The following BAZ1A variants were observed in gnomAD, a reference collection of about 807,000 sequenced individuals.
BAZ1A encodes the protein bromodomain adjacent to zinc finger domain protein 1A.
Under a neutral mutation model 185.2 loss-of-function variants are expected in BAZ1A, and 50 were observed. The ratio of observed to expected loss-of-function variants is 0.27; its 90% CI spans 0.22 to 0.34. The LOEUF is 0.34. Among genes scored for constraint, BAZ1A ranks in the 10% least tolerant of loss-of-function variants. The pLI is 1.00. For synonymous variants in BAZ1A, 571 were observed against 615.6 expected (o/e 0.93, Z 1.07); for missense variants, 1,356 against 1,839.9 (o/e 0.74, Z 4.81).
chr14:34,822,104 G>C (rs780629330), intron 4 of BAZ1A, among the ~76,000 whole-genome samples: 9 of 152,088 alleles, frequency 5.9e-5, no homozygotes, highest in Non-Finnish European at 4.4e-5. Flanking sequence ...AGACCAGCCT[G>C]TCCAACATGG....
intron 3 of BAZ1A, among the ~76,000 whole-genome samples, chr14:34,855,134 C>A (rs1433803895): frequency 6.6e-6 from 1 of 152,102 alleles, no homozygotes; most frequent in Non-Finnish European, 1.5e-5. Flanking sequence ...CCTAATGCTG[C>A]TTCCTTATAT....
intron 3 of BAZ1A, among the ~76,000 whole-genome samples, chr14:34,850,618 TAG>T (rs2042582066): frequency 1.3e-5 from 2 of 152,330 alleles, no homozygotes; most frequent in African/African-American, 4.8e-5. Context: ...AACTATTAAG[TAG>T]TCTGTACGCT....
chr14:34,803,377 C>CA (rs1881676524), intron 6 of BAZ1A, among the ~76,000 whole-genome samples: 1 of 71,294 alleles, frequency 1.4e-5, no homozygotes, highest in Non-Finnish European at 2.8e-5. Context: ...GACTCCATCT[C>CA]AGGAAAAAAA....
chr14:34,864,965 A>G (rs1286542892), intron 2 of BAZ1A, among the ~76,000 whole-genome samples: 1 of 150,148 alleles, frequency 6.7e-6, no homozygotes, highest in Non-Finnish European at 1.5e-5. Context: ...TTCAGTAGAG[A>G]TGGGGTTTCA....
chr14:34,778,203 C>T (rs1879784868), intron 17 of BAZ1A, among the ~76,000 whole-genome samples: 1 of 152,212 alleles, frequency 6.6e-6, no homozygotes, highest in African/African-American at 2.4e-5. Flanking sequence ...ACCCTCTGGA[C>T]TGTGCTTCCC....
At chr14:34,814,024 C>G (rs2041969394) in intron 4 of BAZ1A, among the ~76,000 whole-genome samples, 1 of 136,514 alleles carries the variant, frequency 7.3e-6, no homozygotes, top group Non-Finnish European at 1.6e-5. Flanking sequence ...GCCTGGGCAA[C>G]AGAGCAAGAG....
chr14:34,774,613 A>AAATG lies in BAZ1A; in HGVS notation c.2834-127_2834-124dup, dbSNP rs906237966. 1.2e-4 allele frequency: 93 copies of AAATG among 751,724 alleles called. 1 individual carries two copies. Among genetic ancestry groups the AAATG allele is most frequent in the South Asian group, 6.5e-4 (30 of 46,400 alleles). 46.6% of individuals were successfully genotyped at this position (751,724 alleles called of 1,614,324 possible). A position where few individuals can be genotyped will look rare whatever the true frequency, so the allele number is the denominator to read the frequency against. ...TGCTTTGTAAATCCTCAAGTGCCAC[A>AAATG]AATGAATGAATGAATGAATGAATAT... is the stretch of plus-strand genomic sequence containing the variant. On this transcript the variant is annotated intron_variant, in intron 18 of 26. Transcript: ENST00000360310.
At position 34,771,531 on chromosome 14, in the gene BAZ1A, C is replaced by T. The variant is rs1392599912; in HGVS notation, c.3281G>A (p.Arg1094His). The change falls in exon 21 of 27, where the codon CGT becomes CAT. Residue 1094 changes from arginine (R) to histidine (H), a missense_variant. Arg to His is a conservative substitution (Grantham distance 29). Around this residue, in one of 7 missense-constraint regions of BAZ1A, gnomAD observed 434 missense variants for 561.7 expected, o/e 0.77. Transcript: ENST00000360310. ...LFQIEQGIER[R>H]FLKAPLDASD... ...CTTACCAAGTGGAGCTTTCAGAAAA[C>T]GCCGCTCAATGCCCTGCTCTATTTG... 6.2e-6 allele frequency: 10 copies of T among 1,608,620 alleles called. No individual in the cohort carries two copies. The highest frequency in any genetic ancestry group is 7.6e-6 in the Non-Finnish European group (9 of 1,178,406).
At chr14:34,835,959 T>A (rs1183989713) in intron 3 of BAZ1A, among the ~76,000 whole-genome samples, 1 of 151,756 alleles carries the variant, frequency 6.6e-6, no homozygotes, top group Admixed American at 6.6e-5. Context: ...CGTGAGCCAC[T>A]GCGCCCAGCT....
chr14:34,807,545 G>A lies in BAZ1A; in HGVS notation c.639-7C>T, dbSNP rs1256439609. 7 of 1,608,212 alleles carry A rather than the reference G, an allele frequency of 4.4e-6. No homozygotes were observed. Among genetic ancestry groups the A allele is most frequent in the Admixed American group, 1.7e-5 (1 of 59,636 alleles). On this transcript the variant is annotated splice_polypyrimidine_tract_variant and splice_region_variant and intron_variant, in intron 5 of 26. Transcript: ENST00000360310. ...AAATAGGTGTTTTCTCCGGCTACAG[G>A]AGGCAAGGAAGTCAAAGAGGGGTAG...
At chr14:34,803,363 G>GT (rs1018700078) in intron 6 of BAZ1A, among the ~76,000 whole-genome samples, 2 of 130,820 alleles carry the variant, frequency 1.5e-5, no homozygotes, top group Non-Finnish European at 3.1e-5. Context: ...TGGTGACAGA[G>GT]TAAGACTCCA....
chr14:34,864,132 T>G (rs1037587313), intron 2 of BAZ1A, among the ~76,000 whole-genome samples: 1 of 151,926 alleles, frequency 6.6e-6, no homozygotes, highest in African/African-American at 2.4e-5. Context: ...CTGTTTGAAT[T>G]TTTATTTTTT....
At chr14:34,788,043 G>T (rs1475543109) in intron 12 of BAZ1A, among the ~76,000 whole-genome samples, 5 of 151,558 alleles carry the variant, frequency 3.3e-5, no homozygotes, top group African/African-American at 1.2e-4. Flanking sequence ...TTTGAAGATG[G>T]AGTCTCACTC....
intron 14 of BAZ1A, 120 bp from the exon 15 acceptor site, chr14:34,784,047 AAACATGTCAAT>A (rs1159541096): frequency 2.3e-6 from 2 of 886,086 alleles, no homozygotes; most frequent in African/African-American, 3.5e-5. Context: ...GTAGTCTCTC[AAACATGTCAAT>A]GACATGTCTT....
intron 9 of BAZ1A, among the ~76,000 whole-genome samples, chr14:34,797,833 C>T (rs114029660): frequency 0.012 from 1,812 of 152,136 alleles, 40 homozygotes; most frequent in African/African-American, 0.04. Context: ...CGAAGCAGGG[C>T]GAGCCAAAGC....
intron 4 of BAZ1A, among the ~76,000 whole-genome samples, chr14:34,818,502 C>T (rs2042038292): frequency 1.3e-5 from 2 of 152,122 alleles, no homozygotes; most frequent in Non-Finnish European, 2.9e-5. Context: ...TTTATTGACA[C>T]ATAACTATCA....
At chr14:34,872,373 G>C (rs2042961999) in intron 2 of BAZ1A, among the ~76,000 whole-genome samples, 1 of 152,192 alleles carries the variant, frequency 6.6e-6, no homozygotes, top group African/African-American at 2.4e-5. Flanking sequence ...AAGGCAGGCA[G>C]ATCACTTGAA....
intron 3 of BAZ1A, among the ~76,000 whole-genome samples, chr14:34,859,123 T>G (rs1043166960): frequency 6.6e-6 from 1 of 152,178 alleles, no homozygotes; most frequent in Non-Finnish European, 1.5e-5. Flanking sequence ...TCACACTTCA[T>G]AGGACAGTGT....
intron 24 of BAZ1A, 80 bp downstream of exon 24, chr14:34,761,677 T>G: frequency 7.8e-7 from 1 of 1,279,418 alleles, no homozygotes; most frequent in South Asian, 1.5e-5. Context: ...CTTTAAAAAA[T>G]GATCCAAAGT....
Sources: gnomAD v4.1 joint callset for allele counts (sites outside exome capture counted in the v4.1 genomes callset) on GRCh38, gnomAD v4.1.1 for gene constraint, gnomAD v4.1.1 regional missense constraint, MANE v1.5 for transcripts, NCBI Gene and HGNC (gene_info 2026-07-23, HGNC 2026-07-21) for gene names.